The following PTK7 variants were observed in gnomAD, a reference collection of about 807,000 sequenced individuals.
The protein encoded by PTK7 is inactive tyrosine-protein kinase 7.
Under a neutral mutation model 116.6 loss-of-function variants are expected in PTK7, and 39 were observed. The observed-to-expected ratio is 0.33, with a 90% CI of 0.26 to 0.44. PTK7 has a LOEUF of 0.44. Among genes scored for constraint, PTK7 ranks in the 20% least tolerant of loss-of-function variants. The pLI, the probability that PTK7 is intolerant of heterozygous loss-of-function variation, is 1.00. For synonymous variants in PTK7, 546 were observed against 563.6 expected, an observed-to-expected ratio of 0.97 and a Z score of 0.44; for missense variants, 1,169 against 1,425.6, an observed-to-expected ratio of 0.82 and a Z score of 2.90.
In PTK7 at chr6:43,129,867, C is replaced by G; in HGVS notation, c.470+38C>G. ...GGAGGTGGGGATGAAGAGGGTTATT[C>G]CGGACAGGGATGTCTCCCCAAATCT... On this transcript the variant is annotated intron_variant, in intron 3 of 19. Transcript: ENST00000230419. This position sits in a 1 kb window ranked among gnomAD's most constrained non-coding sequence, Gnocchi z 4.5. 1 of 1,584,074 alleles carries G rather than the reference C, an allele frequency of 6.3e-7. No individual in the cohort carries two copies. Among genetic ancestry groups the G allele is most frequent in the South Asian group, 1.1e-5 (1 of 90,246 alleles).
chr6:43,101,945 C>T (rs1767605591), intron 1 of PTK7, among the ~76,000 whole-genome samples: 1 of 152,202 alleles, frequency 6.6e-6, no homozygotes, highest in South Asian at 2.1e-4. Context: ...CCTGTAATCC[C>T]AGCACTTTGG....
At chr6:43,160,100 T>C in intron 19 of PTK7, 134 bp downstream of exon 19, 2 of 931,820 alleles carry the variant, frequency 2.1e-6, no homozygotes, top group South Asian at 1.7e-5. Context: ...ACCACTCTGG[T>C]TGTTAAAATA....
rs1561967712 is a variant in PTK7, at chr6:43,132,067, G to A, written c.864G>A (p.Leu288=). 2 of 1,614,110 alleles carry A rather than the reference G, an allele frequency of 1.2e-6. No homozygotes were observed. Among genetic ancestry groups the A allele is most frequent in the Non-Finnish European group, 1.7e-6 (2 of 1,180,046 alleles). Residue 288 remains leucine (L), a synonymous_variant, in exon 6 of 20, where the codon CTG becomes CTA. Transcript: ENST00000230419. ...TGTTTGCCAACGGGTCTCTGCTGCT[G>A]ACCCAGGTCCGGCCACGCAATGCAG... The part of the protein sequence containing the change: ...ATVFANGSLL[L]TQVRPRNAGI...
At chr6:43,096,211 G>A (rs766689964) in intron 1 of PTK7, among the ~76,000 whole-genome samples, 17 of 152,098 alleles carry the variant, frequency 1.1e-4, no homozygotes, top group Non-Finnish European at 2.2e-4. Context: ...AGGCTGACAG[G>A]GCAAGAAATC....
chr6:43,132,686 C>G lies in PTK7; in HGVS notation c.1227C>G (p.Ala409=). The change falls in exon 7 of 20, where the codon GCC becomes GCG. Residue 409 remains alanine, a splice_region_variant and synonymous_variant. Transcript: ENST00000230419. ...QRRQDVNITV[A]TVPSWLKKPQ... ...GACAGGATGTCAACATCACTGTGGC[C>G]AGTGAGCACCTTTGCCCTGAAGGTC... is the stretch of plus-strand genomic sequence containing the variant. The G allele has an allele frequency of 6.4e-7, 1 of 1,559,546 alleles. No homozygotes were observed. The highest frequency in any genetic ancestry group is 8.7e-7 in the Non-Finnish European group (1 of 1,151,652).
chr6:43,115,934 A>G (rs1768488688), intron 1 of PTK7, among the ~76,000 whole-genome samples: 1 of 114,870 alleles, frequency 8.7e-6, no homozygotes, highest in Admixed American at 8.2e-5. Flanking sequence ...TCTCAAAAAA[A>G]AAAAAAAAAA....
chr6:43,143,465 A>T lies in PTK7; in HGVS notation c.2096A>T (p.Tyr699Phe). Residue 699 changes from tyrosine to phenylalanine, a missense_variant, in exon 14 of 20, where the codon TAC becomes TTC. Transcript: ENST00000230419. The surrounding 1 kb of genome is among the most constrained non-coding windows in gnomAD (Gnocchi z 4.2). ...ESEGPGSPPP[Y>F]KMIQTIGLSV... ...GAGGGCCCTGGCAGCCCTCCCCCCT[A>T]CAAGATGATCCAGACCATTGGGTTG... is the stretch of plus-strand genomic sequence containing the variant. 1 of 1,613,672 alleles carries T rather than the reference A, an allele frequency of 6.2e-7. No homozygotes were observed. The highest frequency in any genetic ancestry group is 8.5e-7 in the Non-Finnish European group (1 of 1,179,966).
chr6:43,091,427 G>A (rs1452224399), intron 1 of PTK7, among the ~76,000 whole-genome samples: 3 of 151,896 alleles, frequency 2.0e-5, no homozygotes, highest in South Asian at 2.1e-4. Flanking sequence ...TCGGCCTCTC[G>A]AAGTGTTGGG....
chr6:43,109,015 G>C (rs1768048885), intron 1 of PTK7, among the ~76,000 whole-genome samples: 1 of 152,116 alleles, frequency 6.6e-6, no homozygotes, highest in Non-Finnish European at 1.5e-5. Flanking sequence ...ATAATGAGTT[G>C]GTTTTCTAAC....
chr6:43,083,553 TTTC>T (rs1433261733), intron 1 of PTK7, among the ~76,000 whole-genome samples: 2 of 152,204 alleles, frequency 1.3e-5, no homozygotes, highest in Non-Finnish European at 2.9e-5. Context: ...TCCATCCTCT[TTTC>T]TTCTCTGCAT....
chr6:43,132,267 G>C (rs1769734206), intron 6 of PTK7, 103 bp downstream of exon 6: 1 of 1,509,010 alleles, frequency 6.6e-7, no homozygotes, highest in Non-Finnish European at 8.9e-7. Context: ...TGGAGGGCAG[G>C]GGAAGAAAAG....
intron 1 of PTK7, among the ~76,000 whole-genome samples, chr6:43,099,893 C>CT (rs1035188243): frequency 6.6e-5 from 10 of 150,974 alleles, no homozygotes; most frequent in East Asian, 2.0e-4. Flanking sequence ...GACTCCATCT[C>CT]TTTTTTTTTC....
rs906389954 is a variant in PTK7 at position 43,141,162 on chromosome 6, C to T, written c.1619-506C>T. On this transcript the variant is annotated intron_variant, in intron 10 of 19. Transcript: ENST00000230419. This position sits in a 1 kb window ranked among gnomAD's most constrained non-coding sequence, Gnocchi z 4.9. ...AATTATGCACGAAAGGGGGTATGAA[C>T]ATTTTTATAGCCCTTGATGTGAGTT... 6.6e-6 allele frequency among the ~76,000 whole-genome samples: 1 copy of T among 151,990 alleles called. No individual in the cohort carries two copies. Among genetic ancestry groups the T allele is most frequent in the Admixed American group, 6.6e-5 (1 of 15,250 alleles).
intron 1 of PTK7, among the ~76,000 whole-genome samples, chr6:43,105,995 G>A (rs1325211429): frequency 6.6e-6 from 1 of 152,108 alleles, no homozygotes; most frequent in Admixed American, 6.6e-5. Context: ...CTGTGACTGC[G>A]CCTGCCATTC....
chr6:43,101,901 A>G (rs896199086), intron 1 of PTK7, among the ~76,000 whole-genome samples: 3 of 152,208 alleles, frequency 2.0e-5, no homozygotes, highest in African/African-American at 7.2e-5. Context: ...CATCAACATA[A>G]GACGTCAGAG....
Position 43,129,749 on chromosome 6 carries a change from C to T in PTK7, c.390C>T (p.Val130=), listed in dbSNP as rs1769538881. The part of the protein sequence containing the change: ...NIKWIEAGPV[V]LKHPASEAEI... ...CAGGGATTGAGGCAGGTCCTGTGGT[C>T]CTGAAGCATCCAGCCTCGGAAGCTG... is the stretch of plus-strand genomic sequence containing the variant. Residue 130 remains valine (V), a synonymous_variant, in exon 3 of 20, where the codon GTC becomes GTT. Coordinates refer to ENST00000230419, the MANE Select transcript of PTK7 (RefSeq NM_002821.5). The surrounding 1 kb of genome is among the most constrained non-coding windows in gnomAD (Gnocchi z 4.5). 1.2e-6 allele frequency: 2 copies of T among 1,614,034 alleles called. No homozygotes were observed. Among genetic ancestry groups the T allele is most frequent in the African/African-American group, 1.3e-5 (1 of 74,932 alleles).
intron 1 of PTK7, among the ~76,000 whole-genome samples, chr6:43,088,869 C>T (rs953060073): frequency 6.6e-6 from 1 of 152,150 alleles, no homozygotes; most frequent in Non-Finnish European, 1.5e-5. Flanking sequence ...CAGGCAGTTG[C>T]AGGCCCTGGC....
At chr6:43,150,634 C>T (rs1771005243) in intron 17 of PTK7, among the ~76,000 whole-genome samples, 1 of 152,002 alleles carries the variant, frequency 6.6e-6, no homozygotes, top group African/African-American at 2.4e-5. Flanking sequence ...GAGAATCAAG[C>T]AAGGTTGGAC....
At chr6:43,116,658 GCACGCACGCA>G (rs1768565022) in intron 1 of PTK7, among the ~76,000 whole-genome samples, 1 of 106,886 alleles carries the variant, frequency 9.4e-6, no homozygotes, top group African/African-American at 3.8e-5. Context: ...GTGTGCGCGC[GCACGCACGCA>G]CGCATATGGA....
Sources: gnomAD v4.1 joint callset for allele counts (sites outside exome capture counted in the v4.1 genomes callset) on GRCh38, gnomAD v4.1.1 for gene constraint, Gnocchi (gnomAD v3.1) non-coding constraint, MANE v1.5 for transcripts, NCBI Gene and HGNC (gene_info 2026-07-23, HGNC 2026-07-21) for gene names.